The following C11orf65 variants were observed in gnomAD, a reference collection of about 807,000 sequenced individuals.
C11orf65 encodes protein MFI.
Under a neutral mutation model 35.3 loss-of-function variants are expected in C11orf65, and 38 were observed. The ratio of observed to expected loss-of-function variants is 1.08; its 90% confidence interval spans 0.83 to 1.41. The LOEUF (loss-of-function observed/expected upper bound fraction) is 1.41. C11orf65 is among the 40% of genes most tolerant of loss of function. The pLI, the probability that C11orf65 is intolerant of heterozygous loss-of-function variation, is 0.00. For missense variants in C11orf65, 370 were observed against 367.1 expected, an observed-to-expected ratio of 1.01 and a Z score of -0.06; for synonymous variants, 105 against 114.4, an observed-to-expected ratio of 0.92 and a Z score of 0.53.
Position 108,335,056 on chromosome 11 carries a change from A to T in C11orf65, c.299+164T>A, listed in dbSNP as rs758588019. 10 of 1,614,130 alleles carry T rather than the reference A, an allele frequency of 6.2e-6. No homozygotes were observed. The highest frequency in any genetic ancestry group is 8.5e-6 in the Non-Finnish European group (10 of 1,180,012). ...CTTAGCAGGAGGTGTAAATTTACCA[A>T]AAATAATAGATTGTGTAGGTTCCGA... On this transcript the variant is annotated intron_variant, in intron 3 of 3. Coordinates refer to the C11orf65 transcript ENST00000524755.
intron 3 of C11orf65, chr11:108,333,026 A>T: frequency 1.6e-6 from 2 of 1,225,176 alleles, no homozygotes; most frequent in Non-Finnish European, 2.3e-6. Context: ...AGCTTAATTT[A>T]TATCTGATGG....
intron 3 of C11orf65, chr11:108,335,193 G>A (rs1356069179): frequency 1.9e-6 from 3 of 1,600,492 alleles, no homozygotes; most frequent in African/African-American, 1.3e-5. Context: ...CTTTATTTGG[G>A]ATTTTGTCTT....
At chr11:108,339,692 A>G (rs961711623) in intron 2 of C11orf65, among the ~76,000 whole-genome samples, 4 of 152,130 alleles carry the variant, frequency 2.6e-5, no homozygotes, top group Admixed American at 2.6e-4. Flanking sequence ...AAGCCAACCC[A>G]TTCCTTTCTG....
chr11:108,414,515 G>A (rs961380158), intron 3 of C11orf65, among the ~76,000 whole-genome samples: 31 of 151,906 alleles, frequency 2.0e-4, no homozygotes, highest in African/African-American at 7.5e-4. Flanking sequence ...AATCACAGAA[G>A]TAGTAGATAA....
chr11:108,332,696 T>G lies in C11orf65; in HGVS notation c.300-1129A>C, dbSNP rs891164713. 26 of 1,531,178 alleles carry G rather than the reference T, an allele frequency of 1.7e-5. No individual in the cohort carries two copies. In the African/African-American group the frequency reaches 2.9e-4, roughly 17 times the overall value. 94.8% of individuals were successfully genotyped at this position (1,531,178 alleles called of 1,614,324 possible). On this transcript the variant is annotated intron_variant, in intron 3 of 3. Coordinates refer to the C11orf65 transcript ENST00000524755. ...TAAATTCTGTTTTTCTCTTTGTTTTTCTAACTCTGAGAAGTTTAAATGTTG... is the reference window on the plus strand; with the variant it reads ...TAAATTCTGTTTTTCTCTTTGTTTTGCTAACTCTGAGAAGTTTAAATGTTG...
Position 108,390,665 on chromosome 11 carries a change from C to T in C11orf65, c.731+2543G>A, listed in dbSNP as rs543196434. Among the ~76,000 whole-genome samples the T allele has an allele frequency of 2.0e-5, 3 of 152,218 alleles. No individual in the cohort carries two copies. In the South Asian group the frequency reaches 6.2e-4, roughly 32 times the overall value. ...CTTTCCCTTTCTTCCCTCTCTTTTC[C>T]ACTCAGCAATTTTTACTCTTAGGAA... is the stretch of plus-strand genomic sequence containing the variant. On this transcript the variant is annotated intron_variant, in intron 7 of 8. Coordinates refer to ENST00000393084, the MANE Select transcript of C11orf65 (RefSeq NM_152587.5).
rs969529888 is a variant in C11orf65, at chr11:108,467,490, C to G, written c.-29G>C. On this transcript the variant is annotated 5_prime_UTR_variant, in exon 1 of 9. Coordinates refer to ENST00000393084, the MANE Select transcript of C11orf65 (RefSeq NM_152587.5). The stretch of plus-strand genomic sequence containing the variant: ...ACCTACCAATCGCTGCTGGCCCGGG[C>G]GCCGCTGGACTCCTAGGTAACGTCG... The G allele has an allele frequency of 6.6e-6, 1 of 152,396 alleles. No individual in the cohort carries two copies. The highest frequency in any genetic ancestry group is 2.4e-5 in the African/African-American group (1 of 41,436). 9.4% of individuals were successfully genotyped at this position (152,396 alleles called of 1,614,324 possible).
chr11:108,328,702 T>C (rs12288149), downstream of C11orf65, among the ~76,000 whole-genome samples: 1,736 of 152,302 alleles, frequency 0.011, 23 homozygotes, highest in African/African-American at 0.038. Flanking sequence ...CTGGGCCACA[T>C]TGCAAGAAGA....
At chr11:108,390,565 ATTTCAAAAGCTCAC>A (rs2092135944) in intron 7 of C11orf65, among the ~76,000 whole-genome samples, 1 of 152,168 alleles carries the variant, frequency 6.6e-6, no homozygotes, top group Admixed American at 6.5e-5. Flanking sequence ...GCAGAGCAGG[ATTTCAAAAGCTCAC>A]CTGAGAAAAT....
intron 2 of C11orf65, chr11:108,367,189 G>A (rs943226485): frequency 1.7e-5 from 3 of 177,342 alleles, no homozygotes; most frequent in East Asian, 1.9e-4. Flanking sequence ...GAGTTTCACC[G>A]TGTTAGCCAG....
intron 2 of C11orf65, among the ~76,000 whole-genome samples, chr11:108,438,675 C>T (rs2093104361): frequency 6.6e-6 from 1 of 151,890 alleles, no homozygotes; most frequent in African/African-American, 2.4e-5. Flanking sequence ...ACACCAAAAG[C>T]ACAAGAAACA....
chr11:108,332,078 T>C (rs2086322458), intron 3 of C11orf65: 2 of 1,605,370 alleles, frequency 1.2e-6, no homozygotes, highest in African/African-American at 1.3e-5. Flanking sequence ...AAGTGTGATA[T>C]TCAGTCTTTC....
chr11:108,460,348 T>C (rs2093458680), intron 2 of C11orf65, among the ~76,000 whole-genome samples: 1 of 152,134 alleles, frequency 6.6e-6, no homozygotes, highest in South Asian at 2.1e-4. Flanking sequence ...AGTGAGGTCA[T>C]TTTACCTCTT....
At chr11:108,369,528 CT>C (rs1448158333) in intron 2 of C11orf65, among the ~76,000 whole-genome samples, 4 of 151,958 alleles carry the variant, frequency 2.6e-5, no homozygotes, top group African/African-American at 9.7e-5. Context: ...TCTCTTTTGC[CT>C]AGATTTTAAC....
At chr11:108,343,530 T>C (rs1384188698) in intron 2 of C11orf65, among the ~76,000 whole-genome samples, 1 of 152,188 alleles carries the variant, frequency 6.6e-6, no homozygotes, top group Non-Finnish European at 1.5e-5. Context: ...TGAAAGTGTG[T>C]GAGTGAAAAA....
chr11:108,449,592 G>A (rs184574289), intron 2 of C11orf65, among the ~76,000 whole-genome samples: 2 of 152,028 alleles, frequency 1.3e-5, no homozygotes, highest in African/African-American at 4.8e-5. Context: ...TAGGTAGAAA[G>A]CTGAAACTGG....
rs779610500 is a variant in C11orf65, at chr11:108,406,818, T to A, written c.374A>T (p.His125Leu). Residue 125 changes from histidine to leucine, a missense_variant, in exon 5 of 9, where the codon CAT becomes CTT. Coordinates refer to ENST00000393084, the MANE Select transcript of C11orf65 (RefSeq NM_152587.5). ...TTCTATACGATGATACCAGCCACTA[T>A]GATCCTCTTCCTGAAGATGATCATT... ...NKNDHLQEED[H>L]SGWYHRIENN... 5.6e-6 allele frequency: 9 copies of A among 1,613,334 alleles called. No homozygotes were observed. Among genetic ancestry groups the A allele is most frequent in the Non-Finnish European group, 7.6e-6 (9 of 1,179,600 alleles).
At position 108,325,332 on chromosome 11, in the gene C11orf65, T is replaced by G; in HGVS notation, c.641-16261A>C. 1 of 1,603,604 alleles carries G rather than the reference T, an allele frequency of 6.2e-7. No individual in the cohort carries two copies. Among genetic ancestry groups the G allele is most frequent in the East Asian group, 2.3e-5 (1 of 44,238 alleles). On this transcript the variant is annotated intron_variant, in intron 6 of 6. Coordinates refer to the C11orf65 transcript ENST00000525729. ...CAGATCAGTCACACATAGACAACTCTCTGAAGTATATATTAAGTGGCAGAA... is the reference window on the plus strand; with the variant it reads ...CAGATCAGTCACACATAGACAACTCGCTGAAGTATATATTAAGTGGCAGAA...
At chr11:108,322,148 C>G (rs1160225907) in intron 6 of C11orf65, among the ~76,000 whole-genome samples, 1 of 151,680 alleles carries the variant, frequency 6.6e-6, no homozygotes, top group East Asian at 1.9e-4. Flanking sequence ...GTTTTGTTTT[C>G]TTTTTTTTCT....
Sources: gnomAD v4.1 joint callset for allele counts (sites outside exome capture counted in the v4.1 genomes callset) on GRCh38, gnomAD v4.1.1 for gene constraint, MANE v1.5 for transcripts, NCBI Gene and HGNC (gene_info 2026-07-23, HGNC 2026-07-21) for gene names.